SVIP: variants seen among roughly 807,000 people sequenced by gnomAD.
SVIP encodes small VCP interacting protein.
In SVIP, 14 loss-of-function variants were observed where a neutral mutation model predicts 12.9. The ratio of observed to expected loss-of-function variants is 1.08; its 90% CI spans 0.72 to 1.70. The LOEUF is 1.70. Among genes scored for constraint, SVIP ranks in the 40% most tolerant of loss-of-function variants. The pLI, the probability that SVIP is intolerant of heterozygous loss-of-function variation, is 0.00. For missense variants in SVIP, 93 were observed against 90.8 expected (o/e 1.02, Z -0.10); for synonymous variants, 35 against 33.3 (o/e 1.05, Z -0.17).
chr11:22,821,599 G>A lies in SVIP; in HGVS notation c.*1520C>T, dbSNP rs1857488393. The A allele has an allele frequency of 1.3e-5, 2 of 151,964 alleles. No individual in the cohort carries two copies. Among genetic ancestry groups the A allele is most frequent in the South Asian group, 2.1e-4 (1 of 4,820 alleles). The allele number at this position is 151,964 out of a possible 1,614,324, so 9.4% of individuals were successfully genotyped here. Reference sequence around the variant, plus strand: ...TATGCTCTAGCTCTATATGCACTCCGCTATCAATCATTCCTTTTACTTTCT... The same window carrying A: ...TATGCTCTAGCTCTATATGCACTCCACTATCAATCATTCCTTTTACTTTCT... On this transcript the variant is annotated 3_prime_UTR_variant, in exon 4 of 4. Transcript: ENST00000354193.
intron 2 of SVIP, 117 bp from the exon 3 acceptor site, chr11:22,827,437 A>T (rs1857756258): frequency 1.3e-6 from 1 of 797,908 alleles, no homozygotes; most frequent in African/African-American, 1.8e-5. Flanking sequence ...GAGTTGGTTT[A>T]TTTTTGGTAA....
At position 22,819,870 on chromosome 11, in the gene SVIP, T is replaced by A. The variant is rs945931183; in HGVS notation, c.*3249A>T. On this transcript the variant is annotated 3_prime_UTR_variant, in exon 4 of 4. Coordinates refer to ENST00000354193, the MANE Select transcript of SVIP (RefSeq NM_148893.3). ...GAGTAATGTATGAATACTTAATTTG[T>A]AGGCAATAGTTATCACATTCAAAGT... is the stretch of plus-strand genomic sequence containing the variant. 3.3e-5 allele frequency: 5 copies of A among 152,228 alleles called. No individual in the cohort carries two copies. The highest frequency in any genetic ancestry group is 1.2e-4 in the African/African-American group (5 of 41,464). The allele number at this position is 152,228 out of a possible 1,614,324, so 9.4% of individuals were successfully genotyped here.
intron 2 of SVIP, 101 bp from the exon 3 acceptor site, chr11:22,827,421 G>A: frequency 1.1e-6 from 1 of 943,250 alleles, no homozygotes; most frequent in Non-Finnish European, 1.6e-6. Context: ...TTTCTTTGGG[G>A]GTAGGGAGTT....
intron 1 of SVIP, among the ~76,000 whole-genome samples, chr11:22,828,131 C>G (rs1171520355): frequency 6.6e-6 from 1 of 152,124 alleles, no homozygotes; most frequent in African/African-American, 2.4e-5. Context: ...ATAAAAAGGC[C>G]TACAAGCTAG....
At chr11:22,826,740 T>C (rs1302433546) in intron 3 of SVIP, among the ~76,000 whole-genome samples, 1 of 152,022 alleles carries the variant, frequency 6.6e-6, no homozygotes, top group Non-Finnish European at 1.5e-5. Context: ...ATAACTATAA[T>C]AAACAGGGGC....
Position 22,827,216 on chromosome 11 carries a change from AC to A in SVIP, c.209del (p.Gly70ValfsTer11), listed in dbSNP as rs866911209. 2 of 1,608,522 alleles carry A rather than the reference AC, an allele frequency of 1.2e-6. No homozygotes were observed. Among genetic ancestry groups the A allele is most frequent in the Non-Finnish European group, 1.7e-6 (2 of 1,177,852 alleles). On this transcript the variant is annotated frameshift_variant, in exon 3 of 4. Coordinates refer to ENST00000354193, the MANE Select transcript of SVIP (RefSeq NM_148893.3). LOFTEE classifies it high-confidence loss of function. Reference sequence around the variant, plus strand: ...AAATTTTAATACTTACCCTAAGTCCACCTTCTGGTGGGGGCCCGGATGTAGC... The same window carrying A: ...AAATTTTAATACTTACCCTAAGTCCACTTCTGGTGGGGGCCCGGATGTAGC... ...QIATSGPPPEGGLRWTVS is the reference protein window; with the variant it reads ...QIATSGPPPEXGLRWTVS
chr11:22,822,752 G>A lies in SVIP; in HGVS notation c.*367C>T. 1 of 179,412 alleles carries A rather than the reference G, an allele frequency of 5.6e-6. No individual in the cohort carries two copies. The highest frequency in any genetic ancestry group is 1.5e-4 in the East Asian group (1 of 6,726). 11.1% of individuals were successfully genotyped at this position (179,412 alleles called of 1,614,324 possible). A position where few individuals can be genotyped will look rare whatever the true frequency, so the allele number is the denominator to read the frequency against. ...GTAACGCGATGCAGCACAAATATAA[G>A]TAGTTAGATCATTTTATAAAGGATG... On this transcript the variant is annotated 3_prime_UTR_variant, in exon 4 of 4. Transcript: ENST00000354193.
intron 3 of SVIP, 22 bp from the exon 4 acceptor site, chr11:22,823,155 C>T: frequency 6.4e-7 from 1 of 1,568,626 alleles, no homozygotes; most frequent in Non-Finnish European, 8.7e-7. Flanking sequence ...AAAAAAGAGA[C>T]AGAAAAGTAA....
At chr11:22,827,947 T>C in intron 1 of SVIP, 73 bp from the exon 2 acceptor site, 2 of 1,189,890 alleles carry the variant, frequency 1.7e-6, no homozygotes, top group African/African-American at 3.1e-5. Flanking sequence ...ATTTATTTCA[T>C]AGGCACTATA....
intron 3 of SVIP, 137 bp downstream of exon 3, chr11:22,827,070 A>T (rs112922536): frequency 1.9e-5 from 12 of 648,542 alleles, no homozygotes; most frequent in African/African-American, 5.6e-5. Context: ...ATTACTTCCA[A>T]TATTTACTAC....
rs746530717 is a variant in SVIP, at chr11:22,829,762, T to G, written c.-14A>C. ...ACACAGCCCCATAGGGACGACAGCT[T>G]GAGAACCCTGACCGGGTCCGGCCCA... On this transcript the variant is annotated 5_prime_UTR_variant, in exon 1 of 4. Transcript: ENST00000354193. The G allele has an allele frequency of 2.5e-6, 4 of 1,602,150 alleles. No individual in the cohort carries two copies. Among genetic ancestry groups the G allele is most frequent in the East Asian group, 2.3e-5 (1 of 44,336 alleles).
chr11:22,822,404 T>C lies in SVIP; in HGVS notation c.*715A>G, dbSNP rs1857519207. The C allele has an allele frequency of 6.6e-6, 1 of 152,164 alleles. No individual in the cohort carries two copies. Among genetic ancestry groups the C allele is most frequent in the African/African-American group, 2.4e-5 (1 of 41,452 alleles). 9.4% of individuals were successfully genotyped at this position (152,164 alleles called of 1,614,324 possible). A position where few individuals can be genotyped will look rare whatever the true frequency, so the allele number is the denominator to read the frequency against. Reference sequence around the variant, plus strand: ...CTCATTCAATTACTACAAAGATCCTTACAGAGCTGAATTTAATATACAATA... The same window carrying C: ...CTCATTCAATTACTACAAAGATCCTCACAGAGCTGAATTTAATATACAATA... On this transcript the variant is annotated 3_prime_UTR_variant, in exon 4 of 4. Coordinates refer to ENST00000354193, the MANE Select transcript of SVIP (RefSeq NM_148893.3).
At chr11:22,825,425 C>T (rs528808509) in intron 3 of SVIP, among the ~76,000 whole-genome samples, 7 of 152,108 alleles carry the variant, frequency 4.6e-5, no homozygotes, top group South Asian at 4.1e-4. Context: ...GAGGAATATT[C>T]CAAGGAAAAA....
Position 22,819,897 on chromosome 11 carries a change from A to G in SVIP, c.*3222T>C, listed in dbSNP as rs1039063460. ...GGCAATAGTTATCACATTCAAAGTC[A>G]ATATTTGCAAGATGAAGCATAACTA... is the stretch of plus-strand genomic sequence containing the variant. On this transcript the variant is annotated 3_prime_UTR_variant, in exon 4 of 4. Transcript: ENST00000354193. 1.3e-5 allele frequency: 2 copies of G among 152,250 alleles called. No individual in the cohort carries two copies. The highest frequency in any genetic ancestry group is 2.4e-5 in the African/African-American group (1 of 41,468). The allele number at this position is 152,250 out of a possible 1,614,324, so 9.4% of individuals were successfully genotyped here.
chr11:22,829,505 G>A (rs1052596113), intron 1 of SVIP, 190 bp downstream of exon 1: 18 of 525,624 alleles, frequency 3.4e-5, no homozygotes, highest in Admixed American at 1.5e-4. Flanking sequence ...AGATCTACAC[G>A]GAGGCGACGG....
At position 22,823,123 on chromosome 11, in the gene SVIP, G is replaced by C. The variant is rs1857541583; in HGVS notation, c.230C>G (p.Ser77Ter). Residue 77 changes from serine to a stop codon, truncating the protein, a stop_gained, in exon 4 of 4, where the codon TCA (serine) becomes TGA (stop). Transcript: ENST00000354193. LOFTEE classifies it high-confidence loss of function. ...TTCTTCTACTCATGTTATGCTTTAT[G>C]AAACTGTCCACTAGAAAAGATAAAA... ...PPEGGLRWTVS is the reference protein window; with the variant it reads ...PPEGGLRWTV The C allele has an allele frequency of 6.3e-7, 1 of 1,593,784 alleles. No homozygotes were observed. Among genetic ancestry groups the C allele is most frequent in the East Asian group, 2.2e-5 (1 of 44,566 alleles).
At chr11:22,829,177 G>T (rs1464512504) in intron 1 of SVIP, 1 of 152,304 alleles carries the variant, frequency 6.6e-6, no homozygotes, top group Admixed American at 6.5e-5. Flanking sequence ...GAACGTAAAA[G>T]AATGAGATAA....
chr11:22,828,268 G>T (rs1857797383), intron 1 of SVIP, among the ~76,000 whole-genome samples: 1 of 152,158 alleles, frequency 6.6e-6, no homozygotes, highest in Admixed American at 6.5e-5. Context: ...AATGAAGTGG[G>T]CTAATCTCAG....
chr11:22,820,482 T>C lies in SVIP; in HGVS notation c.*2637A>G, dbSNP rs1488844028. On this transcript the variant is annotated 3_prime_UTR_variant, in exon 4 of 4. Coordinates refer to ENST00000354193, the MANE Select transcript of SVIP (RefSeq NM_148893.3). ...GAACACACCAAACAACCTTTGGTTC[T>C]GTTGCTCTTCTGAATCCCAATGTGA... is the stretch of plus-strand genomic sequence containing the variant. 1 of 152,236 alleles carries C rather than the reference T, an allele frequency of 6.6e-6. No homozygotes were observed. Among genetic ancestry groups the C allele is most frequent in the Non-Finnish European group, 1.5e-5 (1 of 68,032 alleles). The allele number at this position is 152,236 out of a possible 1,614,324, so 9.4% of individuals were successfully genotyped here.
Sources: allele counts gnomAD v4.1 joint callset (sites outside exome capture counted in the v4.1 genomes callset), GRCh38; gene constraint gnomAD v4.1.1; transcripts MANE v1.5; gene names NCBI Gene and HGNC (gene_info 2026-07-23, HGNC 2026-07-21).